The following SLC13A3 variants were observed in gnomAD, a reference collection of about 807,000 sequenced individuals.
The protein encoded by SLC13A3 is solute carrier family 13 member 3.
SLC13A3 carries 40 observed loss-of-function variants against 59.0 expected under a neutral mutation model. The ratio of observed to expected loss-of-function variants is 0.68; its 90% CI spans 0.53 to 0.88. The LOEUF (loss-of-function observed/expected upper bound fraction) is 0.88. SLC13A3 is among the 40% of genes least tolerant of loss of function. The probability of loss-of-function intolerance (pLI) is 0.00; values close to 1 mark genes in which losing one functional copy is unlikely to be tolerated. For synonymous variants in SLC13A3, 317 were observed against 330.3 expected, an observed-to-expected ratio of 0.96 and a Z score of 0.44; for missense variants, 699 against 783.2, an observed-to-expected ratio of 0.89 and a Z score of 1.28.
chr20:46,630,663 T>C (rs1412754870), intron 1 of SLC13A3, among the ~76,000 whole-genome samples: 2 of 152,272 alleles, frequency 1.3e-5, no homozygotes, highest in Non-Finnish European at 2.9e-5. Flanking sequence ...TAAAAGTCTT[T>C]GTTCTACTAA....
intron 3 of SLC13A3, 98 bp downstream of exon 3, chr20:46,610,348 G>A: frequency 1.7e-6 from 2 of 1,151,310 alleles, no homozygotes; most frequent in Non-Finnish European, 2.5e-6. Context: ...TGCTCAATAA[G>A]TGTGCATGCC....
At chr20:46,662,683 T>C (rs1419570865) in intron 1 of SLC13A3, among the ~76,000 whole-genome samples, 2 of 152,216 alleles carry the variant, frequency 1.3e-5, no homozygotes, top group Non-Finnish European at 1.5e-5. Flanking sequence ...CAAAATGTTC[T>C]GATGAGAAGT....
At chr20:46,574,542 C>G (rs1251317612) in intron 10 of SLC13A3, among the ~76,000 whole-genome samples, 2 of 152,178 alleles carry the variant, frequency 1.3e-5, no homozygotes, top group Admixed American at 6.5e-5. Flanking sequence ...CACCCTGGTC[C>G]CAGCCCTGAC....
intron 1 of SLC13A3, among the ~76,000 whole-genome samples, chr20:46,639,486 A>G (rs1163690009): frequency 6.6e-6 from 1 of 152,134 alleles, no homozygotes; most frequent in East Asian, 1.9e-4. Flanking sequence ...ACAAAAAAAC[A>G]AAAAACCAGA....
chr20:46,572,944 C>T (rs2062043256), intron 10 of SLC13A3, among the ~76,000 whole-genome samples: 2 of 152,058 alleles, frequency 1.3e-5, no homozygotes, highest in African/African-American at 2.4e-5. Flanking sequence ...CCTAAGACAC[C>T]CCCAGCAGGA....
intron 1 of SLC13A3, among the ~76,000 whole-genome samples, chr20:46,630,836 A>C (rs1302745921): frequency 6.6e-6 from 1 of 152,200 alleles, no homozygotes; most frequent in African/African-American, 2.4e-5. Context: ...ATTCTTCCAC[A>C]TTCTAGCTGT....
At chr20:46,669,255 C>T (rs901017402) in intron 1 of SLC13A3, among the ~76,000 whole-genome samples, 1 of 152,124 alleles carries the variant, frequency 6.6e-6, no homozygotes, top group Non-Finnish European at 1.5e-5. Context: ...AAGGAGAAAT[C>T]TTGTGTTCCA....
At chr20:46,635,378 C>T (rs2062785553) in intron 1 of SLC13A3, among the ~76,000 whole-genome samples, 2 of 152,146 alleles carry the variant, frequency 1.3e-5, no homozygotes, top group South Asian at 2.1e-4. Flanking sequence ...GAAGCACAGC[C>T]GCGTCCATGC....
chr20:46,599,329 T>C (rs1442397998), intron 4 of SLC13A3, among the ~76,000 whole-genome samples: 2 of 152,254 alleles, frequency 1.3e-5, no homozygotes, highest in African/African-American at 4.8e-5. Context: ...GTGTCATCAC[T>C]GTTAAATTGA....
chr20:46,597,525 C>T (rs942256788), intron 4 of SLC13A3, among the ~76,000 whole-genome samples: 47 of 152,168 alleles, frequency 3.1e-4, no homozygotes, highest in African/African-American at 1.1e-3. Flanking sequence ...CTACCTCTGC[C>T]TCCCGGGTTC....
At chr20:46,591,372 C>T (rs933645361) in intron 6 of SLC13A3, among the ~76,000 whole-genome samples, 15 of 152,300 alleles carry the variant, frequency 9.8e-5, no homozygotes, top group African/African-American at 3.6e-4. Flanking sequence ...GTTCTCACTG[C>T]ATACCTCTTA....
Position 46,565,055 on chromosome 20 carries a change from G to A in SLC13A3, c.1494+1174C>T, listed in dbSNP as rs138490310. On this transcript the variant is annotated intron_variant, in intron 11 of 12. Transcript: ENST00000279027. ...GCATCATTGATTTAATTTTATCAGC[G>A]TGGGTTACATTAAGGTAATTACATG... Among the ~76,000 whole-genome samples, 239 of 152,296 alleles carry A rather than the reference G, an allele frequency of 1.6e-3. 3 individuals carry two copies. Among genetic ancestry groups the A allele is most frequent in the African/African-American group, 5.3e-3 (219 of 41,558 alleles).
rs114100234 is a variant in SLC13A3, at chr20:46,583,037, C to T, written c.1219+535G>A. On this transcript the variant is annotated intron_variant, in intron 9 of 12. Coordinates refer to ENST00000279027, the MANE Select transcript of SLC13A3 (RefSeq NM_022829.6). ...CAGCTTGTGTTTTCCATGTGTGGCTCCCTGGGCAACCAAGGTGCAACTCCT... is the reference window on the plus strand; with the variant it reads ...CAGCTTGTGTTTTCCATGTGTGGCTTCCTGGGCAACCAAGGTGCAACTCCT... 1,077 of 986,172 alleles carry T rather than the reference C, an allele frequency of 1.1e-3. 7 individuals carry two copies. The African/African-American group carries it at 0.017, about 16-fold the overall frequency. The allele number at this position is 986,172 out of a possible 1,614,324, so 61.1% of individuals were successfully genotyped here.
chr20:46,613,041 C>T (rs2122749439), intron 2 of SLC13A3, among the ~76,000 whole-genome samples: 1 of 151,908 alleles, frequency 6.6e-6, no homozygotes, highest in South Asian at 2.1e-4. Context: ...GAGGTGGGTG[C>T]CACTACATCA....
intron 1 of SLC13A3, among the ~76,000 whole-genome samples, chr20:46,643,202 G>T (rs1319042276): frequency 1.3e-5 from 2 of 152,144 alleles, no homozygotes; most frequent in African/African-American, 4.8e-5. Context: ...TGGGAAGGGG[G>T]GAAGGGGGTT....
At chr20:46,606,277 G>A (rs73908940) in intron 3 of SLC13A3, among the ~76,000 whole-genome samples, 4,721 of 152,258 alleles carry the variant, frequency 0.031, 165 homozygotes, top group African/African-American at 0.084. Flanking sequence ...AAGTCTCATA[G>A]GTAGTTTTTA....
intron 1 of SLC13A3, among the ~76,000 whole-genome samples, chr20:46,668,656 C>T (rs964996736): frequency 6.6e-6 from 1 of 152,210 alleles, no homozygotes; most frequent in Non-Finnish European, 1.5e-5. Context: ...GATGACTACA[C>T]TGAACAACAG....
chr20:46,668,482 G>C (rs1183967644), intron 1 of SLC13A3, among the ~76,000 whole-genome samples: 1 of 152,208 alleles, frequency 6.6e-6, no homozygotes, highest in African/African-American at 2.4e-5. Context: ...TGTGAAGACT[G>C]AGAGAGGTGA....
intron 9 of SLC13A3, chr20:46,582,745 CT>C: frequency 6.1e-6 from 6 of 985,370 alleles, no homozygotes; most frequent in Non-Finnish European, 7.2e-6. Context: ...CACTATTTTT[CT>C]CAACAATAGA....
Sources: gnomAD v4.1 joint callset for allele counts (sites outside exome capture counted in the v4.1 genomes callset) on GRCh38, gnomAD v4.1.1 for gene constraint, MANE v1.5 for transcripts, NCBI Gene and HGNC (gene_info 2026-07-23, HGNC 2026-07-21) for gene names.